The following ACYP2 variants were observed in gnomAD, a reference collection of about 807,000 sequenced individuals.
ACYP2 encodes the protein acylphosphatase 2, also known as acylphosphatase-2.
In ACYP2, 12 loss-of-function variants were observed where a neutral mutation model predicts 11.2. That is an observed-to-expected ratio of 1.08 (90% CI 0.69 to 1.74). ACYP2 has a LOEUF of 1.74. ACYP2 is among the 40% of genes most tolerant of loss of function. The pLI is 0.00. For missense variants in ACYP2, 134 were observed against 101.9 expected (o/e 1.31, Z -1.35); for synonymous variants, 43 against 32.2 (o/e 1.33, Z -1.13).
chr2:54,263,529 T>C lies in ACYP2; in HGVS notation c.405-41159T>C, dbSNP rs112678552. ...GTCCTAGCTACTCAGGAGGCTGAGATGGGAGGATCGCTTGAGCCCAGGAGT... is the reference window on the plus strand; with the variant it reads ...GTCCTAGCTACTCAGGAGGCTGAGACGGGAGGATCGCTTGAGCCCAGGAGT... On this transcript the variant is annotated intron_variant, in intron 6 of 6. Transcript: ENST00000607452. Among the ~76,000 whole-genome samples, 589 of 152,310 alleles carry C rather than the reference T, an allele frequency of 3.9e-3. 6 individuals are homozygous for C. The highest frequency in any genetic ancestry group is 0.014 in the African/African-American group (562 of 41,570).
chr2:54,134,767 C>T (rs144403658), intron 4 of ACYP2, among the ~76,000 whole-genome samples: 10 of 152,256 alleles, frequency 6.6e-5, no homozygotes, highest in Non-Finnish European at 1.3e-4. Context: ...GTTCTTGGGT[C>T]GGGATGCAGT....
chr2:54,257,650 C>T (rs1012238505), intron 6 of ACYP2, among the ~76,000 whole-genome samples: 13 of 151,808 alleles, frequency 8.6e-5, no homozygotes, highest in Non-Finnish European at 1.8e-4. Context: ...AGAGCATTAA[C>T]CAAAGATTAA....
intron 4 of ACYP2, among the ~76,000 whole-genome samples, chr2:54,074,409 A>T (rs571687403): frequency 2.6e-5 from 4 of 152,278 alleles, no homozygotes; most frequent in Non-Finnish European, 1.5e-5. Context: ...ACCAACCTGG[A>T]CAATACAATG....
At chr2:54,005,167 A>G (rs920124030) in intron 2 of ACYP2, among the ~76,000 whole-genome samples, 2 of 152,170 alleles carry the variant, frequency 1.3e-5, no homozygotes, top group African/African-American at 4.8e-5. Context: ...GTAGCCTGTG[A>G]TACATTTTGA....
intron 6 of ACYP2, among the ~76,000 whole-genome samples, chr2:54,295,500 G>C (rs1689486898): frequency 1.3e-5 from 2 of 152,148 alleles, no homozygotes; most frequent in South Asian, 4.1e-4. Flanking sequence ...CTTTCTGTAT[G>C]TGGATGGTAT....
intron 2 of ACYP2, among the ~76,000 whole-genome samples, chr2:53,987,721 A>T (rs967277833): frequency 6.6e-6 from 1 of 152,204 alleles, no homozygotes; most frequent in Non-Finnish European, 1.5e-5. Context: ...CATTCTTCTA[A>T]TGAGTAATGA....
chr2:54,179,073 T>G (rs941925429), intron 6 of ACYP2, among the ~76,000 whole-genome samples: 3 of 152,082 alleles, frequency 2.0e-5, no homozygotes, highest in East Asian at 3.9e-4. Context: ...CCTCACATGG[T>G]GCAAAGGGTG....
intron 2 of ACYP2, among the ~76,000 whole-genome samples, chr2:54,041,907 C>T (rs1486547228): frequency 6.6e-6 from 1 of 152,198 alleles, no homozygotes; most frequent in African/African-American, 2.4e-5. Context: ...CCTCCCGCCT[C>T]AGCCTCCCAA....
At chr2:54,099,508 C>T (rs1448682471) in intron 4 of ACYP2, among the ~76,000 whole-genome samples, 1 of 152,182 alleles carries the variant, frequency 6.6e-6, no homozygotes, top group Non-Finnish European at 1.5e-5. Flanking sequence ...TTTTTAGATT[C>T]CACATATGGG....
chr2:54,042,938 A>G (rs1675315170), intron 2 of ACYP2, among the ~76,000 whole-genome samples: 2 of 152,236 alleles, frequency 1.3e-5, no homozygotes, highest in Non-Finnish European at 2.9e-5. Flanking sequence ...TATAATTTAA[A>G]TATAGCACAA....
In ACYP2 at chr2:54,115,985, A is replaced by AG. The variant is rs141471032; in HGVS notation, c.278-19464dup. 8.6e-3 allele frequency among the ~76,000 whole-genome samples: 1,298 copies of AG among 150,994 alleles called. 15 individuals carry two copies. The highest frequency in any genetic ancestry group is 0.03 in the African/African-American group (1,232 of 40,496). ...GAGGGAAGTGGGGGAGCGGGAGAGGAGGGGTCAGGGGACTGCTGAGGACCA... is the reference window on the plus strand; with the variant it reads ...GAGGGAAGTGGGGGAGCGGGAGAGGAGGGGGTCAGGGGACTGCTGAGGACCA... On this transcript the variant is annotated intron_variant, in intron 4 of 6. Transcript: ENST00000607452.
At chr2:54,274,929 C>T (rs1329550129) in intron 6 of ACYP2, among the ~76,000 whole-genome samples, 1 of 152,144 alleles carries the variant, frequency 6.6e-6, no homozygotes, top group Non-Finnish European at 1.5e-5. Context: ...CTTTTGATAT[C>T]ATTTAACTAA....
intron 6 of ACYP2, among the ~76,000 whole-genome samples, chr2:54,192,457 G>C (rs562374652): frequency 6.6e-6 from 1 of 152,198 alleles, no homozygotes; most frequent in East Asian, 1.9e-4. Flanking sequence ...TTACTAGTCT[G>C]TGAAATCCGA....
At chr2:54,096,441 C>A (rs1328085948) in intron 4 of ACYP2, among the ~76,000 whole-genome samples, 1 of 152,082 alleles carries the variant, frequency 6.6e-6, no homozygotes, top group Admixed American at 6.5e-5. Context: ...GGCGGCCTGG[C>A]AGAGGCTGTA....
rs1684767584 is a variant in ACYP2 at position 54,201,582 on chromosome 2, T to TC, written c.404+62834_404+62835insC. ...TAAAATTGGATGATAGCCAGCTTCTTTTTCTTTCTTTCTCTTTCTTTCTTT... is the reference window on the plus strand; with the variant it reads ...TAAAATTGGATGATAGCCAGCTTCTTCTTTCTTTCTTTCTCTTTCTTTCTTT... On this transcript the variant is annotated intron_variant, in intron 6 of 6. Transcript: ENST00000607452. 5.4e-5 allele frequency among the ~76,000 whole-genome samples: 6 copies of TC among 112,064 alleles called. No individual in the cohort carries two copies. In the South Asian group the frequency reaches 2.1e-3, roughly 38 times the overall value. 73.5% of individuals were successfully genotyped at this position (112,064 alleles called of 152,430 possible). A position where few individuals can be genotyped will look rare whatever the true frequency, so the allele number is the denominator to read the frequency against.
chr2:54,301,922 G>A (rs925641532), intron 6 of ACYP2, among the ~76,000 whole-genome samples: 3 of 152,120 alleles, frequency 2.0e-5, no homozygotes, highest in African/African-American at 7.2e-5. Context: ...CCTAGCAACA[G>A]GGGAAGCATA....
chr2:54,236,878 A>C (rs151287062), intron 6 of ACYP2, among the ~76,000 whole-genome samples: 15 of 152,264 alleles, frequency 9.9e-5, no homozygotes, highest in Middle Eastern at 3.4e-3. Context: ...ATTATCTCTT[A>C]ATAGAGAAGT....
Position 54,274,244 on chromosome 2 carries a change from C to T in ACYP2, c.405-30444C>T, listed in dbSNP as rs943830188. On this transcript the variant is annotated intron_variant, in intron 6 of 6. Coordinates refer to ENST00000607452, the MANE Select transcript of ACYP2 (RefSeq NM_001320586.2). Reference sequence around the variant, plus strand: ...CCCCCTTATAATAACCATCAGATCTCGTGAGACTTACCATTGCAAGAACAG... The same window carrying T: ...CCCCCTTATAATAACCATCAGATCTTGTGAGACTTACCATTGCAAGAACAG... 2.6e-5 allele frequency among the ~76,000 whole-genome samples: 4 copies of T among 152,230 alleles called. No individual in the cohort carries two copies. The South Asian group carries it at 8.3e-4, about 32-fold the overall frequency.
intron 4 of ACYP2, among the ~76,000 whole-genome samples, chr2:54,076,303 T>G (rs963624291): frequency 6.6e-6 from 1 of 152,214 alleles, no homozygotes; most frequent in Non-Finnish European, 1.5e-5. Flanking sequence ...TATTTAAAAT[T>G]TATACGGAGA....
Sources: gnomAD v4.1 joint callset for allele counts (sites outside exome capture counted in the v4.1 genomes callset) on GRCh38, gnomAD v4.1.1 for gene constraint, MANE v1.5 for transcripts, NCBI Gene and HGNC (gene_info 2026-07-23, HGNC 2026-07-21) for gene names.